VCP: variants seen among roughly 807,000 people sequenced by gnomAD.
The protein encoded by VCP is transitional endoplasmic reticulum ATPase.
VCP carries 6 observed loss-of-function variants against 85.7 expected under a neutral mutation model. The observed-to-expected ratio is 0.07, with a 90% CI of 0.04 to 0.14. The LOEUF is 0.14. Among genes scored for constraint, VCP ranks in the 10% least tolerant of loss-of-function variants. The pLI is 1.00. For synonymous variants in VCP, 384 were observed against 367.1 expected, an observed-to-expected ratio of 1.05 and a Z score of -0.53; for missense variants, 353 against 1,043.4, an observed-to-expected ratio of 0.34 and a Z score of 9.12.
chr9:35,064,069 T>C (rs1828780400), intron 6 of VCP, 85 bp downstream of exon 6: 8 of 1,604,284 alleles, frequency 5.0e-6, no homozygotes, highest in Non-Finnish European at 6.8e-6. Flanking sequence ...AAGCCATGCA[T>C]GAAAACAGTC....
rs1563975034 is a variant in VCP, at chr9:35,057,153, T to G, written c.2385A>C (p.Val795=). The G allele has an allele frequency of 1.9e-6, 3 of 1,614,092 alleles. No individual in the cohort carries two copies. Among genetic ancestry groups the G allele is most frequent in the African/African-American group, 1.3e-5 (1 of 74,932 alleles). ...GGTCATCATCATTGTCTTCTGTGTA[T>G]ACACTGCCACCTGTGCCGCCTCCAC... ...QGSGGGTGGS[V]YTEDNDDDLY... The change falls in exon 17 of 17, where the codon GTA becomes GTC. Residue 795 remains valine, a synonymous_variant. Transcript: ENST00000358901.
Position 35,072,392 on chromosome 9 carries a change from C to A in VCP, c.-39G>T. 1 of 1,472,782 alleles carries A rather than the reference C, an allele frequency of 6.8e-7. No homozygotes were observed. Among genetic ancestry groups the A allele is most frequent in the Non-Finnish European group, 8.9e-7 (1 of 1,118,036 alleles). 91.2% of individuals were successfully genotyped at this position (1,472,782 alleles called of 1,614,324 possible). ...CCCGGCCGGCGGCTGTGGCGGCCCG[C>A]GGGTAACGGCTACGAGCGGTGGCAA... On this transcript the variant is annotated 5_prime_UTR_variant, in exon 1 of 17. Coordinates refer to ENST00000358901, the MANE Select transcript of VCP (RefSeq NM_007126.5).
chr9:35,057,265 C>T (rs1338985890), intron 16 of VCP, 43 bp from the exon 17 acceptor site: 1 of 1,613,372 alleles, frequency 6.2e-7, no homozygotes, highest in Admixed American at 1.7e-5. Flanking sequence ...TAGGACAGGG[C>T]CTGTGTAAGA....
intron 1 of VCP, among the ~76,000 whole-genome samples, chr9:35,069,556 G>T (rs959929550): frequency 1.3e-5 from 2 of 149,672 alleles, no homozygotes; most frequent in African/African-American, 4.9e-5. Context: ...GGGTTCAAGT[G>T]ATTCTCCTGC....
chr9:35,057,889 A>C (rs966291168), intron 15 of VCP: 1 of 367,350 alleles, frequency 2.7e-6, no homozygotes, highest in African/African-American at 2.1e-5. Context: ...TGGTATATAG[A>C]AAGAGTGAAT....
At chr9:35,063,164 G>T (rs916638395) in intron 6 of VCP, 84 bp from the exon 7 acceptor site, 37 of 1,225,898 alleles carry the variant, frequency 3.0e-5, no homozygotes, top group Non-Finnish European at 4.3e-5. Context: ...GAGAGGGTGA[G>T]AATCAGGCTT....
rs993943570 is a variant in VCP, at chr9:35,057,025, G to A, written c.*92C>T. On this transcript the variant is annotated 3_prime_UTR_variant, in exon 17 of 17. Coordinates refer to ENST00000358901, the MANE Select transcript of VCP (RefSeq NM_007126.5). ...GACTGGAGAATGGAGCAGGCTGTGG[G>A]CGCACCCCTGGTCCCTCTCCTGGGC... 2 of 1,263,368 alleles carry A rather than the reference G, an allele frequency of 1.6e-6. No individual in the cohort carries two copies. The highest frequency in any genetic ancestry group is 3.4e-5 in the Admixed American group (2 of 58,862). 78.3% of individuals were successfully genotyped at this position (1,263,368 alleles called of 1,614,324 possible). A position where few individuals can be genotyped will look rare whatever the true frequency, so the allele number is the denominator to read the frequency against.
At chr9:35,065,141 T>G in intron 5 of VCP, 110 bp downstream of exon 5, 2 of 1,524,274 alleles carry the variant, frequency 1.3e-6, no homozygotes, top group Non-Finnish European at 1.8e-6. Flanking sequence ...GTACTGGGAT[T>G]ACAGGTGTCA....
rs1246982541 is a variant in VCP at position 35,057,423 on chromosome 9, C to T, written c.2268G>A (p.Glu756=). 2 of 1,614,158 alleles carry T rather than the reference C, an allele frequency of 1.2e-6. No homozygotes were observed. The highest frequency in any genetic ancestry group is 2.7e-5 in the African/African-American group (2 of 74,950). The change falls in exon 16 of 17, where the codon GAG becomes GAA. Residue 756 remains glutamate, a synonymous_variant. Coordinates refer to ENST00000358901, the MANE Select transcript of VCP (RefSeq NM_007126.5). ...SVSDNDIRKY[E]MFAQTLQQSR... is the part of the protein sequence containing the mutation. ...TCTGCTGAAGGGTCTGGGCAAACAT[C>T]TCATACTTCCGAATGTCATTGTCAC... is the stretch of plus-strand genomic sequence containing the variant.
At chr9:35,062,511 C>T (rs895316927) in intron 7 of VCP, among the ~76,000 whole-genome samples, 161 bp from the exon 8 acceptor site, 1 of 152,194 alleles carries the variant, frequency 6.6e-6, no homozygotes, top group South Asian at 2.1e-4. Context: ...TATCCCAGGA[C>T]AGCCACCAGG....
At chr9:35,068,089 G>C in intron 2 of VCP, 26 bp from the exon 3 acceptor site, 1 of 1,614,080 alleles carries the variant, frequency 6.2e-7, no homozygotes, top group Non-Finnish European at 8.5e-7. Flanking sequence ...TAAGGCCTTT[G>C]GGTCATTGGG....
intron 16 of VCP, 68 bp downstream of exon 16, chr9:35,057,308 C>T (rs1006146474): frequency 1.2e-6 from 2 of 1,613,916 alleles, no homozygotes; most frequent in African/African-American, 2.7e-5. Context: ...TTCCTTAGGA[C>T]TCCCATCCCT....
At chr9:35,061,833 A>G in intron 9 of VCP, 144 bp from the exon 10 acceptor site, 5 of 1,433,134 alleles carry the variant, frequency 3.5e-6, no homozygotes, top group Non-Finnish European at 3.9e-6. Flanking sequence ...GAAACCTTTC[A>G]GTCTCAGGAA....
At position 35,056,314 on chromosome 9, in the gene VCP, T is replaced by C. The variant is rs1486467511; in HGVS notation, c.*803A>G. The C allele has an allele frequency of 1.3e-5, 2 of 152,488 alleles. No homozygotes were observed. Among genetic ancestry groups the C allele is most frequent in the Non-Finnish European group, 2.9e-5 (2 of 68,256 alleles). The allele number at this position is 152,488 out of a possible 1,614,324, so 9.4% of individuals were successfully genotyped here. ...CTAGCCTTACCGTCCACATCAAATA[T>C]AGGTGGAGGGATGCCATATTCTCCA... On this transcript the variant is annotated 3_prime_UTR_variant, in exon 17 of 17. Coordinates refer to ENST00000358901, the MANE Select transcript of VCP (RefSeq NM_007126.5).
At chr9:35,069,610 A>G (rs1587132193) in intron 1 of VCP, among the ~76,000 whole-genome samples, 1 of 152,014 alleles carries the variant, frequency 6.6e-6, no homozygotes, top group East Asian at 1.9e-4. Context: ...GCGCCACCAC[A>G]CCTGGCTAAT....
chr9:35,064,791 A>G (rs637885), intron 5 of VCP, among the ~76,000 whole-genome samples: 83,936 of 152,094 alleles, frequency 0.55, 26,293 homozygotes, highest in Non-Finnish European at 0.71. Context: ...AGGTAAATCC[A>G]AGAAACAATT....
Position 35,066,682 on chromosome 9 carries a change from G to A in VCP, c.438C>T (p.Ile146=). 1 of 1,614,070 alleles carries A rather than the reference G, an allele frequency of 6.2e-7. No homozygotes were observed. The highest frequency in any genetic ancestry group is 8.5e-7 in the Non-Finnish European group (1 of 1,180,004). Residue 146 remains isoleucine (I), a synonymous_variant, in exon 4 of 17, where the codon ATC becomes ATT. Transcript: ENST00000358901. The part of the protein sequence containing the change: ...KPYFLEAYRP[I]RKGDIFLVRG... ...CTCAGAATTAGCTCTCACCTTTCCG[G>A]ATGGGTCGATACGCTTCCAGGAAGT...
chr9:35,069,448 T>C (rs1201342891), intron 1 of VCP, among the ~76,000 whole-genome samples: 1 of 111,034 alleles, frequency 9.0e-6, no homozygotes, highest in Admixed American at 8.4e-5. Context: ...CTCTCCCTTT[T>C]TTTTTTTTTT....
Position 35,063,203 on chromosome 9 carries a change from T to G in VCP, c.709-123A>C, listed in dbSNP as rs1828761483. The stretch of plus-strand genomic sequence containing the variant: ...CCCTGACAATATTAAGAATAAGCCC[T>G]CCGCAGTAAATGCTAAGAAGACAAT... On this transcript the variant is annotated intron_variant, in intron 6 of 16. Transcript: ENST00000358901. The G allele has an allele frequency of 8.4e-6, 7 of 834,606 alleles. No individual in the cohort carries two copies. In the South Asian group the frequency reaches 9.7e-5, roughly 12 times the overall value. The allele number at this position is 834,606 out of a possible 1,614,324, so 51.7% of individuals were successfully genotyped here.
Sources: gnomAD v4.1 joint callset for allele counts (sites outside exome capture counted in the v4.1 genomes callset) on GRCh38, gnomAD v4.1.1 for gene constraint, MANE v1.5 for transcripts, NCBI Gene and HGNC (gene_info 2026-07-23, HGNC 2026-07-21) for gene names.